SLC10A7: variants seen among roughly 807,000 people sequenced by gnomAD.
SLC10A7 encodes sodium/bile acid cotransporter 7.
In SLC10A7, 29 loss-of-function variants were observed where a neutral mutation model predicts 43.2. That is an observed-to-expected ratio of 0.67 (90% confidence interval 0.50 to 0.92). The LOEUF (loss-of-function observed/expected upper bound fraction) is 0.92, where lower values mean the gene tolerates loss of function less well. Ranked by LOEUF, SLC10A7 falls within the 40% of genes least tolerant of loss-of-function variation. The pLI is 0.00. For missense variants in SLC10A7, 295 were observed against 403.2 expected, an observed-to-expected ratio of 0.73 and a Z score of 2.30; for synonymous variants, 152 against 144.8, an observed-to-expected ratio of 1.05 and a Z score of -0.35.
chr4:146,282,629 C>A (rs1038603236), intron 10 of SLC10A7, among the ~76,000 whole-genome samples: 4 of 152,110 alleles, frequency 2.6e-5, no homozygotes, highest in Non-Finnish European at 5.9e-5. Context: ...TAGCACTTTT[C>A]TTCTTAATCC....
chr4:146,406,233 T>C (rs1579104106), intron 5 of SLC10A7, among the ~76,000 whole-genome samples: 1 of 152,196 alleles, frequency 6.6e-6, no homozygotes, highest in Non-Finnish European at 1.5e-5. Context: ...AAAATCCATA[T>C]ACAATTATAG....
chr4:146,283,319 C>T, intron 9 of SLC10A7, 54 bp from the exon 10 acceptor site: 1 of 1,407,578 alleles, frequency 7.1e-7, no homozygotes, highest in Non-Finnish European at 1.0e-6. Context: ...CAATTTAACA[C>T]ATTCAAAATC....
intron 5 of SLC10A7, among the ~76,000 whole-genome samples, chr4:146,336,426 T>C (rs575770600): frequency 4.1e-4 from 63 of 152,246 alleles, no homozygotes; most frequent in African/African-American, 1.4e-3. Context: ...TCTTTAATTT[T>C]TCTTTAGACT....
chr4:146,436,866 C>T (rs78239625), intron 5 of SLC10A7, among the ~76,000 whole-genome samples: 2,682 of 152,016 alleles, frequency 0.018, 69 homozygotes, highest in African/African-American at 0.062. Context: ...CTTCTATTCA[C>T]GACAAGATAG....
intron 4 of SLC10A7, among the ~76,000 whole-genome samples, chr4:146,487,448 T>C (rs1170426562): frequency 6.6e-6 from 1 of 152,240 alleles, no homozygotes; most frequent in African/African-American, 2.4e-5. Flanking sequence ...AAGTGCTCAA[T>C]AATTTGTTTT....
intron 5 of SLC10A7, among the ~76,000 whole-genome samples, chr4:146,438,592 T>A (rs1408363733): frequency 6.6e-6 from 1 of 152,048 alleles, no homozygotes; most frequent in African/African-American, 2.4e-5. Context: ...CATTAGCATT[T>A]CCCTTTAAGA....
At chr4:146,354,744 A>G (rs1456869310) in intron 5 of SLC10A7, among the ~76,000 whole-genome samples, 7 of 149,468 alleles carry the variant, frequency 4.7e-5, no homozygotes, top group African/African-American at 1.7e-4. Flanking sequence ...CATATCTACA[A>G]CTATCTGATC....
rs78450964 is a variant in SLC10A7, at chr4:146,283,737, A to AT, written c.774-473dup. On this transcript the variant is annotated intron_variant, in intron 9 of 11. Transcript: ENST00000335472. ...TATATTTTAGTAAAAACAAATTATC[A>AT]TTTTTTGAGCAGTATCATGTATAGG... Among the ~76,000 whole-genome samples, 1,420 of 152,264 alleles carry AT rather than the reference A, an allele frequency of 9.3e-3. 38 individuals are homozygous for AT. Among genetic ancestry groups the AT allele is most frequent in the East Asian group, 0.065 (336 of 5,178 alleles).
chr4:146,392,447 G>A (rs1738504533), intron 5 of SLC10A7, among the ~76,000 whole-genome samples: 1 of 152,150 alleles, frequency 6.6e-6, no homozygotes, highest in South Asian at 2.1e-4. Flanking sequence ...GTGTATATAT[G>A]TGTGGGTCTA....
intron 11 of SLC10A7, among the ~76,000 whole-genome samples, chr4:146,257,094 G>A (rs796362417): frequency 3.3e-5 from 5 of 152,286 alleles, no homozygotes; most frequent in African/African-American, 1.2e-4. Flanking sequence ...ATATTGATGA[G>A]TATTAGGATT....
chr4:146,256,573 A>G (rs1727898161), intron 11 of SLC10A7, 53 bp from the exon 12 acceptor site: 11 of 1,589,794 alleles, frequency 6.9e-6, no homozygotes, highest in Non-Finnish European at 8.6e-6. Context: ...GAGGAAAGTG[A>G]AAGCATCAAT....
intron 7 of SLC10A7, among the ~76,000 whole-genome samples, chr4:146,298,516 T>G (rs759190819): frequency 6.6e-6 from 1 of 152,220 alleles, no homozygotes; most frequent in Non-Finnish European, 1.5e-5. Flanking sequence ...TGTATAGATA[T>G]GCTTTTTTAT....
At chr4:146,292,184 A>G (rs1050590749) in intron 9 of SLC10A7, among the ~76,000 whole-genome samples, 2 of 152,220 alleles carry the variant, frequency 1.3e-5, no homozygotes, top group Admixed American at 6.5e-5. Context: ...GTCCCCCAAA[A>G]TAAACTTCAT....
intron 5 of SLC10A7, chr4:146,441,847 T>C: frequency 3.0e-6 from 3 of 985,160 alleles, no homozygotes; most frequent in Non-Finnish European, 3.6e-6. Context: ...ATTAACACTA[T>C]GTAACAACAT....
intron 5 of SLC10A7, among the ~76,000 whole-genome samples, chr4:146,399,911 T>C (rs908147670): frequency 2.0e-5 from 3 of 152,036 alleles, no homozygotes; most frequent in Admixed American, 6.5e-5. Flanking sequence ...GTTGAAGATA[T>C]CAATTGGCAC....
chr4:146,254,495 A>G lies in SLC10A7; in HGVS notation c.*1996T>C, dbSNP rs1727797754. The G allele has an allele frequency of 6.6e-6, 1 of 152,264 alleles. No individual in the cohort carries two copies. Among genetic ancestry groups the G allele is most frequent in the Non-Finnish European group, 1.5e-5 (1 of 68,042 alleles). 9.4% of individuals were successfully genotyped at this position (152,264 alleles called of 1,614,324 possible). A position where few individuals can be genotyped will look rare whatever the true frequency, so the allele number is the denominator to read the frequency against. ...GTAAAAAAAAGAAATAGGCATAAAC[A>G]TATCACTAACGCCACCAAAGTTCAC... On this transcript the variant is annotated 3_prime_UTR_variant, in exon 12 of 12. Coordinates refer to ENST00000335472, the MANE Select transcript of SLC10A7 (RefSeq NM_001029998.6).
intron 7 of SLC10A7, among the ~76,000 whole-genome samples, chr4:146,303,348 C>T (rs556597960): frequency 5.9e-5 from 9 of 151,782 alleles, no homozygotes; most frequent in East Asian, 1.9e-4. Context: ...AAATATTACA[C>T]GTCTATGCAC....
At chr4:146,453,095 G>A (rs1731736549) in intron 4 of SLC10A7, among the ~76,000 whole-genome samples, 1 of 151,708 alleles carries the variant, frequency 6.6e-6, no homozygotes, top group African/African-American at 2.4e-5. Flanking sequence ...GACATGAGGA[G>A]CAAGCTACAT....
chr4:146,339,373 T>A (rs1333986556), intron 5 of SLC10A7, among the ~76,000 whole-genome samples: 1 of 151,920 alleles, frequency 6.6e-6, no homozygotes, highest in Non-Finnish European at 1.5e-5. Context: ...AATGGAGACA[T>A]CTGCACTACA....
Sources: gnomAD v4.1 joint callset for allele counts (sites outside exome capture counted in the v4.1 genomes callset) on GRCh38, gnomAD v4.1.1 for gene constraint, MANE v1.5 for transcripts, NCBI Gene and HGNC (gene_info 2026-07-23, HGNC 2026-07-21) for gene names.